PDE4B: variants seen among roughly 807,000 people sequenced by gnomAD.
PDE4B encodes 3',5'-cyclic-AMP phosphodiesterase 4B.
A neutral mutation model predicts 82.2 loss-of-function variants in PDE4B; 20 were observed. The observed-to-expected ratio is 0.24, with a 90% CI of 0.17 to 0.35. The LOEUF is 0.35. Ranked by LOEUF, PDE4B falls within the 10% of genes least tolerant of loss-of-function variation. PDE4B has a pLI of 1.00. For missense variants in PDE4B, 655 were observed against 907.2 expected (o/e 0.72, Z 3.57); for synonymous variants, 320 against 318.9 (o/e 1.00, Z -0.04).
intron 3 of PDE4B, among the ~76,000 whole-genome samples, chr1:65,938,513 G>A (rs1648274464): frequency 6.6e-6 from 1 of 152,162 alleles, no homozygotes; most frequent in Admixed American, 6.6e-5. Context: ...CAAAGAAAAG[G>A]AAGCATTGTG....
chr1:66,344,512 T>A lies in PDE4B; in HGVS notation c.748-11015T>A, dbSNP rs565053089. On this transcript the variant is annotated intron_variant, in intron 8 of 16. Transcript: ENST00000341517. The stretch of plus-strand genomic sequence containing the variant: ...GTATTAAGATAAAGTCATTGTCTAA[T>A]GTTGTCTGCCATAGTAAAATTTGCA... 2.6e-5 allele frequency among the ~76,000 whole-genome samples: 4 copies of A among 152,336 alleles called. No homozygotes were observed. In the East Asian group the frequency reaches 7.7e-4, roughly 29 times the overall value.
At chr1:66,349,897 C>G (rs1251275786) in intron 8 of PDE4B, among the ~76,000 whole-genome samples, 1 of 152,000 alleles carries the variant, frequency 6.6e-6, no homozygotes, top group Admixed American at 6.6e-5. Flanking sequence ...ATGCAAAATT[C>G]CTGAAAGTCA....
intron 3 of PDE4B, among the ~76,000 whole-genome samples, chr1:66,005,070 TA>T (rs1652073345): frequency 1.3e-5 from 2 of 152,116 alleles, no homozygotes. Flanking sequence ...CATTAAAATA[TA>T]AAAATCAAAG....
intron 3 of PDE4B, among the ~76,000 whole-genome samples, chr1:66,139,764 A>C (rs1052932679): frequency 2.0e-5 from 3 of 151,366 alleles, no homozygotes; most frequent in Non-Finnish European, 2.9e-5. Context: ...AAAAAACAAC[A>C]ACCAATGGGC....
intron 4 of PDE4B, among the ~76,000 whole-genome samples, chr1:66,251,006 A>C (rs1337221692): frequency 6.6e-6 from 1 of 152,196 alleles, no homozygotes; most frequent in Non-Finnish European, 1.5e-5. Context: ...AGAAATAATA[A>C]TCCACTTAAA....
chr1:65,829,806 C>A (rs1199906236), intron 1 of PDE4B, among the ~76,000 whole-genome samples: 3 of 152,070 alleles, frequency 2.0e-5, no homozygotes, highest in African/African-American at 7.2e-5. Context: ...TAGAATGAAC[C>A]ATGTTGTATT....
chr1:65,976,557 G>A (rs1156985389), intron 3 of PDE4B, among the ~76,000 whole-genome samples: 1 of 152,100 alleles, frequency 6.6e-6, no homozygotes, highest in East Asian at 1.9e-4. Context: ...GTCCAGGGAT[G>A]GAATGATATG....
At chr1:66,162,234 T>C (rs1646629195) in intron 3 of PDE4B, among the ~76,000 whole-genome samples, 1 of 148,430 alleles carries the variant, frequency 6.7e-6, no homozygotes, top group South Asian at 2.2e-4. Flanking sequence ...TTATCCCTAA[T>C]TAAAAACTAA....
At chr1:66,337,985 T>C (rs1011043022) in intron 8 of PDE4B, among the ~76,000 whole-genome samples, 22 of 152,240 alleles carry the variant, frequency 1.4e-4, no homozygotes, top group African/African-American at 4.8e-4. Flanking sequence ...TTCCATATTC[T>C]CTTCTATAAA....
rs151017278 is a variant in PDE4B, at chr1:66,232,313, G to A, written c.282-15147G>A. On this transcript the variant is annotated intron_variant, in intron 3 of 16. Coordinates refer to ENST00000341517, the MANE Select transcript of PDE4B (RefSeq NM_002600.4). Reference sequence around the variant, plus strand: ...ATACACTGCAAAGCTCTGTCCGGGCGCCTCTCCTGAAGCACCTGGCATCAG... The same window carrying A: ...ATACACTGCAAAGCTCTGTCCGGGCACCTCTCCTGAAGCACCTGGCATCAG... 7.3e-4 allele frequency among the ~76,000 whole-genome samples: 111 copies of A among 152,316 alleles called. No individual in the cohort carries two copies. The East Asian group carries it at 0.01, about 14-fold the overall frequency.
At chr1:66,188,344 A>T (rs1482211709) in intron 3 of PDE4B, among the ~76,000 whole-genome samples, 1 of 150,984 alleles carries the variant, frequency 6.6e-6, no homozygotes, top group Non-Finnish European at 1.5e-5. Context: ...GTAGATAGCT[A>T]TTAGGTCCAC....
chr1:66,068,433 C>T (rs988838298), intron 3 of PDE4B, among the ~76,000 whole-genome samples: 11 of 151,890 alleles, frequency 7.2e-5, no homozygotes, highest in African/African-American at 1.9e-4. Context: ...AATGACATCA[C>T]ATTTTTAAAA....
intron 1 of PDE4B, among the ~76,000 whole-genome samples, chr1:65,905,150 G>A (rs542611925): frequency 1.3e-5 from 2 of 152,182 alleles, no homozygotes; most frequent in South Asian, 2.1e-4. Context: ...CTTCTGGGAG[G>A]CATAAACCTA....
intron 3 of PDE4B, among the ~76,000 whole-genome samples, chr1:66,092,698 A>T (rs905199187): frequency 6.6e-6 from 1 of 152,056 alleles, no homozygotes; most frequent in Non-Finnish European, 1.5e-5. Context: ...GTGTCCAGGG[A>T]TAGCTTCTCA....
chr1:65,799,156 G>A (rs1004929065), intron 1 of PDE4B, among the ~76,000 whole-genome samples: 2 of 152,138 alleles, frequency 1.3e-5, no homozygotes, highest in African/African-American at 4.8e-5. Flanking sequence ...TTTCAGAACT[G>A]AAAGTGATCT....
intron 3 of PDE4B, among the ~76,000 whole-genome samples, chr1:65,988,776 G>A (rs1303565137): frequency 1.3e-5 from 2 of 151,922 alleles, no homozygotes; most frequent in African/African-American, 4.8e-5. Context: ...TAATATTATT[G>A]TATACAAACT....
At chr1:65,937,878 C>A (rs558596561) in intron 3 of PDE4B, among the ~76,000 whole-genome samples, 1 of 152,116 alleles carries the variant, frequency 6.6e-6, no homozygotes, top group Non-Finnish European at 1.5e-5. Flanking sequence ...TAATACTTTA[C>A]AATATAGATG....
At chr1:65,874,566 C>A (rs986289394) in intron 1 of PDE4B, among the ~76,000 whole-genome samples, 4 of 152,050 alleles carry the variant, frequency 2.6e-5, no homozygotes, top group Non-Finnish European at 4.4e-5. Context: ...CTACAGTAAC[C>A]AAAACAGCAC....
At chr1:65,909,969 A>C (rs962072975) in intron 1 of PDE4B, among the ~76,000 whole-genome samples, 6 of 152,216 alleles carry the variant, frequency 3.9e-5, no homozygotes, top group African/African-American at 1.4e-4. Context: ...GAAAAGATGT[A>C]AATAAGACCC....
Sources: gnomAD v4.1 joint callset for allele counts (sites outside exome capture counted in the v4.1 genomes callset) on GRCh38, gnomAD v4.1.1 for gene constraint, MANE v1.5 for transcripts, NCBI Gene and HGNC (gene_info 2026-07-23, HGNC 2026-07-21) for gene names.